The following KMT2C variants were observed in gnomAD, a reference collection of about 807,000 sequenced individuals.
KMT2C encodes the protein lysine methyltransferase 2C.
A neutral mutation model predicts 507.9 loss-of-function variants in KMT2C; 88 were observed. The observed-to-expected ratio is 0.17, with a 90% CI of 0.15 to 0.21. KMT2C has a LOEUF of 0.21. Among genes scored for constraint, KMT2C ranks in the 10% least tolerant of loss-of-function variants. KMT2C has a pLI of 1.00. For missense variants in KMT2C, 4,954 were observed against 5,957.8 expected (o/e 0.83, Z 5.55); for synonymous variants, 2,049 against 2,080.8 (o/e 0.98, Z 0.42).
At chr7:152,398,079 C>T (rs990982330) in intron 1 of KMT2C, among the ~76,000 whole-genome samples, 2 of 152,172 alleles carry the variant, frequency 1.3e-5, no homozygotes, top group African/African-American at 4.8e-5. Context: ...TAGCCACATG[C>T]GTTCTCTCTC....
intron 36 of KMT2C, 111 bp from the exon 37 acceptor site, chr7:152,180,237 CCTCAAATTCCTGGA>C: frequency 6.0e-6 from 7 of 1,159,596 alleles, no homozygotes; most frequent in Non-Finnish European, 8.7e-6. Flanking sequence ...CCCAGGCTGG[CCTCAAATTCCTGGA>C]CTCAAGTGAT....
At chr7:152,401,871 G>A (rs1367252853) in intron 1 of KMT2C, among the ~76,000 whole-genome samples, 1 of 151,948 alleles carries the variant, frequency 6.6e-6, no homozygotes, top group Non-Finnish European at 1.5e-5. Flanking sequence ...AGCACTCTGG[G>A]AGGCTGAGGC....
At position 152,214,181 on chromosome 7, in the gene KMT2C, C is replaced by A. The variant is rs569919377; in HGVS notation, c.3712+6342G>T. Among the ~76,000 whole-genome samples, 580 of 148,858 alleles carry A rather than the reference C, an allele frequency of 3.9e-3. 4 individuals are homozygous for A. Among genetic ancestry groups the A allele is most frequent in the African/African-American group, 0.014 (537 of 39,228 alleles). The stretch of plus-strand genomic sequence containing the variant: ...TAGAGTTTCCTTAAAAAAAAAAAAA[C>A]TACCACCATAAGATCCAACAATGCC... On this transcript the variant is annotated intron_variant, in intron 23 of 58. Coordinates refer to ENST00000262189, the MANE Select transcript of KMT2C (RefSeq NM_170606.3).
chr7:152,244,960 A>T (rs1215309333), intron 14 of KMT2C, among the ~76,000 whole-genome samples: 2 of 152,246 alleles, frequency 1.3e-5, no homozygotes, highest in African/African-American at 2.4e-5. Context: ...AAATAATTCT[A>T]TATGATTTGA....
chr7:152,185,430 A>C, intron 34 of KMT2C, 128 bp downstream of exon 34: 1 of 615,516 alleles, frequency 1.6e-6, no homozygotes, highest in South Asian at 2.3e-5. Context: ...TTAAAAATAA[A>C]GTTGCTTGTT....
At chr7:152,354,537 T>C (rs1471358785) in intron 2 of KMT2C, among the ~76,000 whole-genome samples, 1 of 152,062 alleles carries the variant, frequency 6.6e-6, no homozygotes, top group Non-Finnish European at 1.5e-5. Context: ...AGGAGAAAAA[T>C]AAAGCAGGAG....
rs372143700 is a variant in KMT2C, at chr7:152,162,421, T to A, written c.11156A>T (p.Lys3719Ile). The A allele has an allele frequency of 1.7e-5, 28 of 1,614,120 alleles. No homozygotes were observed. The highest frequency in any genetic ancestry group is 5.0e-5 in the Admixed American group (3 of 60,002). Residue 3719 changes from lysine to isoleucine, a missense_variant, in exon 43 of 59, where the codon AAA becomes ATA. Lys to Ile is a moderately radical substitution (Grantham distance 102, BLOSUM62 -3). Transcript: ENST00000262189. ...METPAKTEEIKLEKAETESCP... is the reference protein window; with the variant it reads ...METPAKTEEIILEKAETESCP... ...GGACTCTGTCTCAGCCTTTTCCAGTTTTATCTCTTCTGTTTTGGCAGGGGT... is the reference window on the plus strand; with the variant it reads ...GGACTCTGTCTCAGCCTTTTCCAGTATTATCTCTTCTGTTTTGGCAGGGGT...
Position 152,359,693 on chromosome 7 carries a change from G to A in KMT2C, c.162-1018C>T, listed in dbSNP as rs1173470660. Reference sequence around the variant, plus strand: ...AAAAAACAAAGAAGGGAGGGAGGGAGGAAATAGAAAGAAAAAATACAAATC... The same window carrying A: ...AAAAAACAAAGAAGGGAGGGAGGGAAGAAATAGAAAGAAAAAATACAAATC... On this transcript the variant is annotated intron_variant, in intron 1 of 58. Coordinates refer to ENST00000262189, the MANE Select transcript of KMT2C (RefSeq NM_170606.3). Among the ~76,000 whole-genome samples, 5 of 151,622 alleles carry A rather than the reference G, an allele frequency of 3.3e-5. No homozygotes were observed. In the East Asian group the frequency reaches 9.7e-4, roughly 29 times the overall value.
chr7:152,389,831 TC>T (rs2097475472), intron 1 of KMT2C, among the ~76,000 whole-genome samples: 2 of 151,626 alleles, frequency 1.3e-5, no homozygotes, highest in African/African-American at 4.8e-5. Flanking sequence ...TTAAATCCTC[TC>T]CCCCTCGCAA....
chr7:152,296,459 G>C (rs929502457), intron 6 of KMT2C, among the ~76,000 whole-genome samples: 3 of 151,504 alleles, frequency 2.0e-5, no homozygotes, highest in African/African-American at 7.3e-5. Context: ...GAGAGAGAGA[G>C]AGAGAGAAAT....
intron 2 of KMT2C, among the ~76,000 whole-genome samples, chr7:152,332,906 A>C (rs2096897635): frequency 6.7e-6 from 1 of 148,924 alleles, no homozygotes; most frequent in South Asian, 2.1e-4. Flanking sequence ...TATTCTCGTC[A>C]ACACCACCAA....
chr7:152,227,218 T>C (rs996239140), intron 18 of KMT2C, among the ~76,000 whole-genome samples: 1 of 152,214 alleles, frequency 6.6e-6, no homozygotes, highest in African/African-American at 2.4e-5. Flanking sequence ...CAACAATTTC[T>C]CCCTCTTTGA....
chr7:152,233,309 T>C (rs1588443819), intron 16 of KMT2C, among the ~76,000 whole-genome samples: 1 of 152,194 alleles, frequency 6.6e-6, no homozygotes, highest in East Asian at 1.9e-4. Flanking sequence ...CGTGCTATTG[T>C]TGCCTGCATA....
chr7:152,296,432 C>CAAAAAAAAAA (rs551986657), intron 6 of KMT2C, among the ~76,000 whole-genome samples: 1 of 98,760 alleles, frequency 1.0e-5, no homozygotes. Context: ...AACTCCATCT[C>CAAAAAAAAAA]AAAAAAAAAA....
intron 1 of KMT2C, among the ~76,000 whole-genome samples, chr7:152,429,593 TC>T: frequency 6.6e-6 from 1 of 151,996 alleles, no homozygotes. Flanking sequence ...TGATCTCAGC[TC>T]ACTGCAACCT....
At chr7:152,292,199 T>C (rs1410028986) in intron 6 of KMT2C, among the ~76,000 whole-genome samples, 6 of 152,214 alleles carry the variant, frequency 3.9e-5, no homozygotes, top group Non-Finnish European at 8.8e-5. Flanking sequence ...AATAATAATA[T>C]ACATTCCACT....
chr7:152,250,421 T>A (rs1467722929), intron 12 of KMT2C, among the ~76,000 whole-genome samples: 1 of 152,156 alleles, frequency 6.6e-6, no homozygotes, highest in African/African-American at 2.4e-5. Flanking sequence ...AGTACAATAA[T>A]AGCTCTTATC....
intron 1 of KMT2C, among the ~76,000 whole-genome samples, chr7:152,416,695 G>C (rs1407209579): frequency 6.7e-6 from 1 of 149,806 alleles, no homozygotes; most frequent in Non-Finnish European, 1.5e-5. Context: ...CTGCACTCCA[G>C]CCTGGGTGAC....
chr7:152,380,093 G>T (rs2097359608), intron 1 of KMT2C, among the ~76,000 whole-genome samples: 3 of 152,190 alleles, frequency 2.0e-5, no homozygotes, highest in African/African-American at 7.3e-5. Flanking sequence ...TTAGCCAGGG[G>T]TGGCAGCATG....
Sources: allele counts gnomAD v4.1 joint callset (sites outside exome capture counted in the v4.1 genomes callset), GRCh38; gene constraint gnomAD v4.1.1; transcripts MANE v1.5; gene names NCBI Gene and HGNC (gene_info 2026-07-23, HGNC 2026-07-21).